CFAP20DC: variants seen among roughly 807,000 people sequenced by gnomAD.
The protein encoded by CFAP20DC is protein CFAP20DC.
Under a neutral mutation model 101.7 loss-of-function variants are expected in CFAP20DC, and 84 were observed. The ratio of observed to expected loss-of-function variants is 0.83; its 90% confidence interval spans 0.69 to 0.99. CFAP20DC has a LOEUF of 0.99. Among genes scored for constraint, CFAP20DC ranks in the 50% least tolerant of loss-of-function variants. The probability of loss-of-function intolerance (pLI) is 0.00; values close to 1 mark genes in which losing one functional copy is unlikely to be tolerated. For missense variants in CFAP20DC, 1,007 were observed against 970.3 expected, an observed-to-expected ratio of 1.04 and a Z score of -0.50; for synonymous variants, 359 against 351.2, an observed-to-expected ratio of 1.02 and a Z score of -0.25.
At chr3:58,990,950 C>T (rs1266234808) in intron 4 of CFAP20DC, among the ~76,000 whole-genome samples, 1 of 152,052 alleles carries the variant, frequency 6.6e-6, no homozygotes, top group African/African-American at 2.4e-5. Context: ...TGGCTCCATA[C>T]CAGAATGCAA....
At chr3:58,979,685 A>G (rs1453340488) in intron 4 of CFAP20DC, among the ~76,000 whole-genome samples, 1 of 152,196 alleles carries the variant, frequency 6.6e-6, no homozygotes, top group African/African-American at 2.4e-5. Flanking sequence ...AAATTCAACT[A>G]CGAACTGGCT....
intron 7 of CFAP20DC, among the ~76,000 whole-genome samples, chr3:58,877,574 A>C (rs919424808): frequency 6.6e-6 from 1 of 152,196 alleles, no homozygotes; most frequent in Non-Finnish European, 1.5e-5. Flanking sequence ...CAATGTTTAG[A>C]GATCTGTCCA....
At chr3:58,952,897 C>T (rs1195182400) in intron 4 of CFAP20DC, among the ~76,000 whole-genome samples, 1 of 152,060 alleles carries the variant, frequency 6.6e-6, no homozygotes, top group African/African-American at 2.4e-5. Context: ...TATTGAGCAC[C>T]TACTTGCTCT....
intron 4 of CFAP20DC, among the ~76,000 whole-genome samples, chr3:59,016,933 C>G (rs1189300615): frequency 6.6e-6 from 1 of 152,082 alleles, no homozygotes; most frequent in Non-Finnish European, 1.5e-5. Context: ...GAGAGAAACA[C>G]AGGCTAATGA....
chr3:58,967,718 T>A (rs1413715858), intron 4 of CFAP20DC, among the ~76,000 whole-genome samples: 2 of 152,194 alleles, frequency 1.3e-5, no homozygotes, highest in Admixed American at 6.5e-5. Context: ...TTTTTGAACT[T>A]CTATTTTAGG....
At position 58,849,250 on chromosome 3, in the gene CFAP20DC, A is replaced by T. The variant is rs1312560224; in HGVS notation, c.1753T>A (p.Ser585Thr). ...TTTCTATCTATTTGCTCCATCGAGG[A>T]ATCCTGGCTTTCTGTTGCTCCTGCT... ...TEAGATESQD[S>T]SMEQIDRNNF... Residue 585 changes from serine (S) to threonine (T), a missense_variant, in exon 13 of 17, where the codon TCC becomes ACC. Ser to Thr is a moderately conservative substitution (Grantham distance 58, BLOSUM62 1). Coordinates refer to ENST00000482387, the MANE Select transcript of CFAP20DC (RefSeq NM_001394063.1). The T allele has an allele frequency of 6.5e-7, 1 of 1,536,102 alleles. No individual in the cohort carries two copies. The highest frequency in any genetic ancestry group is 2.0e-5 in the Admixed American group (1 of 50,994).
At chr3:58,875,599 C>T (rs1359653803) in intron 7 of CFAP20DC, among the ~76,000 whole-genome samples, 1 of 152,058 alleles carries the variant, frequency 6.6e-6, no homozygotes, top group Non-Finnish European at 1.5e-5. Context: ...AGAACAATTT[C>T]CTGATGTTTT....
At chr3:58,957,069 C>G (rs1276539085) in intron 4 of CFAP20DC, among the ~76,000 whole-genome samples, 1 of 152,024 alleles carries the variant, frequency 6.6e-6, no homozygotes, top group African/African-American at 2.4e-5. Flanking sequence ...AAGGGATAGT[C>G]CACAGAACAG....
intron 6 of CFAP20DC, among the ~76,000 whole-genome samples, chr3:58,909,917 T>C (rs1344909918): frequency 2.6e-5 from 4 of 152,198 alleles, no homozygotes; most frequent in Middle Eastern, 6.8e-3. Flanking sequence ...CCAGTGTGTG[T>C]TGTTCCCCTC....
At chr3:59,031,898 T>C (rs1411968644) in intron 4 of CFAP20DC, among the ~76,000 whole-genome samples, 1 of 152,184 alleles carries the variant, frequency 6.6e-6, no homozygotes, top group Non-Finnish European at 1.5e-5. Context: ...TTTCAAGAGG[T>C]GGCTGGCAAT....
At chr3:58,814,765 A>C (rs1426775166) in intron 14 of CFAP20DC, among the ~76,000 whole-genome samples, 1 of 150,926 alleles carries the variant, frequency 6.6e-6, no homozygotes, top group Non-Finnish European at 1.5e-5. Context: ...CAATTGCTTC[A>C]AAGAGAAGAA....
chr3:58,783,215 T>C (rs993797118), intron 15 of CFAP20DC, among the ~76,000 whole-genome samples: 2 of 151,692 alleles, frequency 1.3e-5, no homozygotes, highest in Admixed American at 6.6e-5. Context: ...GCTGGGAAAA[T>C]TGGATATCCA....
At chr3:58,793,524 T>C (rs1156983751) in intron 15 of CFAP20DC, among the ~76,000 whole-genome samples, 4 of 152,106 alleles carry the variant, frequency 2.6e-5, no homozygotes, top group African/African-American at 7.2e-5. Flanking sequence ...AGGAGTGTTG[T>C]TGAAAAGGTT....
chr3:58,958,922 T>C (rs560645171), intron 4 of CFAP20DC, among the ~76,000 whole-genome samples: 76 of 152,032 alleles, frequency 5.0e-4, no homozygotes, highest in African/African-American at 1.7e-3. Context: ...CTTCATTTAC[T>C]TATGTCTTTT....
rs1321071799 is a variant in CFAP20DC, at chr3:59,002,437, T to A, written c.278+37120A>T. On this transcript the variant is annotated intron_variant, in intron 4 of 16. Coordinates refer to ENST00000482387, the MANE Select transcript of CFAP20DC (RefSeq NM_001394063.1). This position sits in a 1 kb window ranked among gnomAD's most constrained non-coding sequence, Gnocchi z 4.5. ...AGAAGTATTTCTAAATGTGAAAACA[T>A]CTACAAAACATCTATTCAGTAACTT... 6.6e-6 allele frequency among the ~76,000 whole-genome samples: 1 copy of A among 152,200 alleles called. No homozygotes were observed. The highest frequency in any genetic ancestry group is 1.5e-5 in the Non-Finnish European group (1 of 68,040).
chr3:59,041,813 C>T (rs1576815462), intron 3 of CFAP20DC, among the ~76,000 whole-genome samples: 1 of 152,014 alleles, frequency 6.6e-6, no homozygotes, highest in Non-Finnish European at 1.5e-5. Context: ...TGTGTGGGCC[C>T]TTTTACTTTT....
At chr3:58,816,280 G>T (rs1460829457) in intron 14 of CFAP20DC, among the ~76,000 whole-genome samples, 3 of 152,050 alleles carry the variant, frequency 2.0e-5, no homozygotes, top group Non-Finnish European at 1.5e-5. Flanking sequence ...AAACACCGCG[G>T]GGAGGAGCCA....
Position 58,861,974 on chromosome 3 carries a change from T to G in CFAP20DC, c.1593+1584A>C, listed in dbSNP as rs971771847. The G allele has an allele frequency of 2.0e-6, 2 of 985,126 alleles. No individual in the cohort carries two copies. The highest frequency in any genetic ancestry group is 2.3e-4 in the East Asian group (2 of 8,816). 61.0% of individuals were successfully genotyped at this position (985,126 alleles called of 1,614,324 possible). A position where few individuals can be genotyped will look rare whatever the true frequency, so the allele number is the denominator to read the frequency against. On this transcript the variant is annotated intron_variant, in intron 12 of 16. Coordinates refer to ENST00000482387, the MANE Select transcript of CFAP20DC (RefSeq NM_001394063.1). This position sits in a 1 kb window ranked among gnomAD's most constrained non-coding sequence, Gnocchi z 4.0. ...AGAGTAGCTACAGCAAAAGAAAGCA[T>G]TAAGTGATATCAAATTAAAATATTC... is the stretch of plus-strand genomic sequence containing the variant.
At chr3:58,959,131 G>A (rs1490558419) in intron 4 of CFAP20DC, among the ~76,000 whole-genome samples, 2 of 151,796 alleles carry the variant, frequency 1.3e-5, no homozygotes, top group Non-Finnish European at 2.9e-5. Flanking sequence ...TTTCACTCTC[G>A]TTGCCCAGGC....
Sources: allele counts gnomAD v4.1 joint callset (sites outside exome capture counted in the v4.1 genomes callset), GRCh38; gene constraint gnomAD v4.1.1; non-coding constraint Gnocchi (gnomAD v3.1); transcripts MANE v1.5; gene names NCBI Gene and HGNC (gene_info 2026-07-23, HGNC 2026-07-21).